AP3D1: variants seen among roughly 807,000 people sequenced by gnomAD.
AP3D1 encodes adaptor related protein complex 3 subunit delta 1, also known as AP-3 complex subunit delta-1.
In AP3D1, 51 loss-of-function variants were observed where a neutral mutation model predicts 147.6. The observed-to-expected ratio is 0.35, with a 90% CI of 0.28 to 0.44. The LOEUF is 0.44. Ranked by LOEUF, AP3D1 falls within the 20% of genes least tolerant of loss-of-function variation. AP3D1 has a pLI of 1.00. For missense variants in AP3D1, 1,421 were observed against 1,624.2 expected (o/e 0.87, Z 2.15); for synonymous variants, 760 against 663.0 (o/e 1.15, Z -2.25).
chr19:2,152,015 G>A (rs1032455507), upstream of AP3D1, among the ~76,000 whole-genome samples: 3 of 152,214 alleles, frequency 2.0e-5, no homozygotes, highest in African/African-American at 7.2e-5. Flanking sequence ...AACGGATCCT[G>A]TGGTTCCCGC....
intron 18 of AP3D1, among the ~76,000 whole-genome samples, 196 bp downstream of exon 18, chr19:2,116,009 GCC>G (rs1173492897): frequency 6.6e-6 from 1 of 152,240 alleles, no homozygotes; most frequent in Non-Finnish European, 1.5e-5. Context: ...AGGGAACAGG[GCC>G]CCCCGGCTGG....
chr19:2,102,340 T>G, intron 31 of AP3D1, 72 bp from the exon 32 acceptor site: 1 of 1,388,936 alleles, frequency 7.2e-7, no homozygotes. Flanking sequence ...AAGTCTGTGA[T>G]CCCAGCATTT....
intron 1 of AP3D1, among the ~76,000 whole-genome samples, chr19:2,143,610 A>T (rs1300425576): frequency 1.3e-5 from 2 of 152,028 alleles, no homozygotes; most frequent in Non-Finnish European, 2.9e-5. Context: ...AAAATCAAAA[A>T]ATAAAAAATT....
rs942838646 is a variant in AP3D1, at chr19:2,114,299, G to A, written c.2427C>T (p.Pro809=). 2 of 1,610,608 alleles carry A rather than the reference G, an allele frequency of 1.2e-6. No homozygotes were observed. Among genetic ancestry groups the A allele is most frequent in the Non-Finnish European group, 1.7e-6 (2 of 1,179,028 alleles). Residue 809 remains proline, a synonymous_variant, in exon 22 of 32, where the codon CCC becomes CCT. Coordinates refer to ENST00000643116, the MANE Select transcript of AP3D1 (RefSeq NM_001261826.3). ...TAGGCAGTTTCTCGCTGTCGGCTAA[G>A]GGCCTGGAGGAGGAATGACCGGGCC... ...YRALDIDLDK[P]LADSEKLPIQ... is the part of the protein sequence containing the mutation.
chr19:2,115,488 C>A (rs969141236), intron 19 of AP3D1, 50 bp downstream of exon 19: 4 of 1,610,048 alleles, frequency 2.5e-6, no homozygotes, highest in Non-Finnish European at 3.4e-6. Context: ...GGCGGGAGCA[C>A]CCCACAGCCC....
At chr19:2,129,271 A>T in intron 7 of AP3D1, 47 bp downstream of exon 7, 1 of 1,602,634 alleles carries the variant, frequency 6.2e-7, no homozygotes, top group Non-Finnish European at 8.5e-7. Flanking sequence ...AGGGTGAGGG[A>T]ATGCCCCACA....
At chr19:2,127,256 A>ACTGG in intron 8 of AP3D1, 55 bp from the exon 9 acceptor site, 1 of 1,587,514 alleles carries the variant, frequency 6.3e-7, no homozygotes, top group Non-Finnish European at 8.6e-7. Flanking sequence ...CGTCAGATGC[A>ACTGG]GTGACCCAGT....
intron 1 of AP3D1, among the ~76,000 whole-genome samples, chr19:2,161,049 C>G (rs575052852): frequency 2.6e-5 from 4 of 151,946 alleles, no homozygotes; most frequent in Non-Finnish European, 4.4e-5. Context: ...AGGCTGCCCA[C>G]ATTGAAATCC....
chr19:2,127,038 A>G, intron 9 of AP3D1, 114 bp downstream of exon 9: 1 of 1,146,802 alleles, frequency 8.7e-7, no homozygotes, highest in Non-Finnish European at 1.3e-6. Context: ...TTTCCTTCTC[A>G]GTTCCAGCAG....
upstream of AP3D1, among the ~76,000 whole-genome samples, chr19:2,152,014 T>C (rs118038044): frequency 0.013 from 1,984 of 152,344 alleles, 22 homozygotes; most frequent in Middle Eastern, 0.037. Context: ...GAACGGATCC[T>C]GTGGTTCCCG....
At chr19:2,129,580 C>G in intron 6 of AP3D1, 123 bp from the exon 7 acceptor site, 1 of 1,196,716 alleles carries the variant, frequency 8.4e-7, no homozygotes, top group East Asian at 2.5e-5. Context: ...ATGGCCCTGG[C>G]TCTGCCACCT....
chr19:2,110,926 A>G lies in AP3D1; in HGVS notation c.2986-30T>C, dbSNP rs1194418421. ...AGGGCATGGCCAGTGTTAGCAGGGC[A>G]GGCGGGCCCGCCACAGGGAACAGGC... On this transcript the variant is annotated intron_variant, in intron 26 of 31. Coordinates refer to ENST00000643116, the MANE Select transcript of AP3D1 (RefSeq NM_001261826.3). 10 of 1,593,688 alleles carry G rather than the reference A, an allele frequency of 6.3e-6. No homozygotes were observed. In the Admixed American group the frequency reaches 1.3e-4, roughly 22 times the overall value.
chr19:2,111,626 C>G, intron 25 of AP3D1, 53 bp downstream of exon 25: 1 of 1,533,918 alleles, frequency 6.5e-7, no homozygotes, highest in South Asian at 1.2e-5. Context: ...GGGAGCAGCG[C>G]ACAGCCCGCC....
upstream of AP3D1, among the ~76,000 whole-genome samples, chr19:2,155,778 C>T (rs902822467): frequency 3.9e-5 from 6 of 152,042 alleles, no homozygotes; most frequent in South Asian, 2.1e-4. Context: ...ATGGGCCGGG[C>T]GCGGTGGCTC....
Position 2,111,465 on chromosome 19 carries a change from C to T in AP3D1, c.2938-133G>A, listed in dbSNP as rs550108458. 17 of 1,292,636 alleles carry T rather than the reference C, an allele frequency of 1.3e-5. No homozygotes were observed. The South Asian group carries it at 1.9e-4, about 14-fold the overall frequency. 80.1% of individuals were successfully genotyped at this position (1,292,636 alleles called of 1,614,324 possible). ...TTGGGGCAAGGGGCTTCAAAGGAGCCGATGAGGGATCCCCGGCTCCCAGGA... is the reference window on the plus strand; with the variant it reads ...TTGGGGCAAGGGGCTTCAAAGGAGCTGATGAGGGATCCCCGGCTCCCAGGA... On this transcript the variant is annotated intron_variant, in intron 25 of 31. Transcript: ENST00000643116.
At chr19:2,137,162 C>G in intron 3 of AP3D1, 71 bp from the exon 4 acceptor site, 2 of 1,341,140 alleles carry the variant, frequency 1.5e-6, no homozygotes, top group Non-Finnish European at 1.0e-6. Context: ...CTCTGCTCTG[C>G]AGCGACCACA....
At chr19:2,147,438 G>T (rs2019388654) in intron 1 of AP3D1, among the ~76,000 whole-genome samples, 2 of 138,006 alleles carry the variant, frequency 1.4e-5, no homozygotes, top group Admixed American at 7.3e-5. Context: ...TTTTTAGTTG[G>T]AGTCCGCTGG....
At chr19:2,123,783 C>G (rs1201703238) in intron 10 of AP3D1, 47 bp downstream of exon 10, 3 of 1,548,170 alleles carry the variant, frequency 1.9e-6, no homozygotes, top group Admixed American at 3.9e-5. Flanking sequence ...AAAGGTGTGG[C>G]CTCTGCAGTG....
chr19:2,132,414 G>T lies in AP3D1; in HGVS notation c.462+57C>A. 2.7e-6 allele frequency: 4 copies of T among 1,503,214 alleles called. No individual in the cohort carries two copies. The South Asian group carries it at 4.7e-5, about 18-fold the overall frequency. The allele number at this position is 1,503,214 out of a possible 1,614,324, so 93.1% of individuals were successfully genotyped here. On this transcript the variant is annotated intron_variant, in intron 5 of 31. Transcript: ENST00000643116. ...CCAAGCTTCCCAGGCATGCCACTTT[G>T]ACCGAGTTTTTCCCAGAGCAGACAT...
Sources: gnomAD v4.1 joint callset for allele counts (sites outside exome capture counted in the v4.1 genomes callset) on GRCh38, gnomAD v4.1.1 for gene constraint, MANE v1.5 for transcripts, NCBI Gene and HGNC (gene_info 2026-07-23, HGNC 2026-07-21) for gene names.